PEX7: variants seen among roughly 807,000 people sequenced by gnomAD.
PEX7 encodes PTS2 receptor.
PEX7 carries 34 observed loss-of-function variants against 47.5 expected under a neutral mutation model. The observed-to-expected ratio is 0.72, with a 90% CI of 0.54 to 0.95. The LOEUF is 0.95. Among genes scored for constraint, PEX7 ranks in the 40% least tolerant of loss-of-function variants. The pLI is 0.00. For synonymous variants in PEX7, 141 were observed against 148.8 expected (o/e 0.95, Z 0.38); for missense variants, 394 against 400.3 (o/e 0.98, Z 0.13).
intron 3 of PEX7, among the ~76,000 whole-genome samples, chr6:136,827,504 TTGTGTGTGTGTGTGTGTGTGTG>T (rs5880309): frequency 3.5e-5 from 5 of 140,930 alleles, no homozygotes; most frequent in African/African-American, 5.4e-5. Context: ...CTGTGTGAAT[TTGTGTGTGTGTGTGTGTGTGTG>T]TGTGTGTGTG....
chr6:136,842,358 T>G (rs569958069), intron 3 of PEX7, among the ~76,000 whole-genome samples: 2 of 152,344 alleles, frequency 1.3e-5, no homozygotes, highest in South Asian at 4.1e-4. Context: ...TTTAGCTCTG[T>G]CATAGAGACC....
chr6:136,824,546 A>G (rs1378420995), intron 1 of PEX7, among the ~76,000 whole-genome samples: 1 of 152,154 alleles, frequency 6.6e-6, no homozygotes, highest in Admixed American at 6.5e-5. Context: ...TTTAAAGGGA[A>G]TTGGTATTTA....
Position 136,845,489 on chromosome 6 carries a change from G to A in PEX7, c.340-126G>A, listed in dbSNP as rs1011861471. On this transcript the variant is annotated intron_variant, in intron 3 of 9. Transcript: ENST00000318471. ...CTCAGACACCTTGTTGAGATGGATA[G>A]GAATTATTTGATGTTTTGACATAGT... The A allele has an allele frequency of 2.6e-5, 19 of 718,904 alleles. 1 individual carries two copies. The highest frequency in any genetic ancestry group is 5.3e-5 in the East Asian group (2 of 37,424). The allele number at this position is 718,904 out of a possible 1,614,324, so 44.5% of individuals were successfully genotyped here. A position where few individuals can be genotyped will look rare whatever the true frequency, so the allele number is the denominator to read the frequency against.
At position 136,822,873 on chromosome 6, in the gene PEX7, C is replaced by G. The variant is rs371233406; in HGVS notation, c.130+78C>G. On this transcript the variant is annotated intron_variant, in intron 1 of 9. Coordinates refer to ENST00000318471, the MANE Select transcript of PEX7 (RefSeq NM_000288.4). ...CAGCCGGGCTCCAGTTCCTCGCGCTCGAGGGAAAGCCCCTCTGAGCGTAGA... is the reference window on the plus strand; with the variant it reads ...CAGCCGGGCTCCAGTTCCTCGCGCTGGAGGGAAAGCCCCTCTGAGCGTAGA... The G allele has an allele frequency of 3.3e-6, 4 of 1,223,548 alleles. No individual in the cohort carries two copies. In the South Asian group the frequency reaches 1.0e-4, roughly 32 times the overall value. The allele number at this position is 1,223,548 out of a possible 1,614,324, so 75.8% of individuals were successfully genotyped here.
chr6:136,843,926 G>A (rs977266794), intron 3 of PEX7, among the ~76,000 whole-genome samples: 1 of 152,020 alleles, frequency 6.6e-6, no homozygotes, highest in Non-Finnish European at 1.5e-5. Context: ...CAAAAAACTT[G>A]ATAATCAAGA....
chr6:136,845,859 T>A (rs1774589022), intron 4 of PEX7, among the ~76,000 whole-genome samples, 167 bp downstream of exon 4: 1 of 152,208 alleles, frequency 6.6e-6, no homozygotes, highest in Non-Finnish European at 1.5e-5. Flanking sequence ...TTTTCTAATC[T>A]TTTGGCTGTG....
At chr6:136,912,407 A>G (rs543486197) in intron 9 of PEX7, among the ~76,000 whole-genome samples, 1 of 152,134 alleles carries the variant, frequency 6.6e-6, no homozygotes, top group South Asian at 2.1e-4. Context: ...TTTATGTGCA[A>G]AGTTGGGGTC....
At chr6:136,849,790 G>C (rs142491151) in intron 5 of PEX7, among the ~76,000 whole-genome samples, 6 of 152,282 alleles carry the variant, frequency 3.9e-5, no homozygotes, top group African/African-American at 1.4e-4. Context: ...GTCAGTTTTG[G>C]AATAAGTGTG....
intron 1 of PEX7, among the ~76,000 whole-genome samples, chr6:136,824,924 C>T (rs1390448301): frequency 6.6e-6 from 1 of 152,152 alleles, no homozygotes; most frequent in Non-Finnish European, 1.5e-5. Context: ...AGTATTTCAC[C>T]CCCCTGTTAG....
At chr6:136,841,870 G>A (rs1774507139) in intron 3 of PEX7, among the ~76,000 whole-genome samples, 1 of 151,136 alleles carries the variant, frequency 6.6e-6, no homozygotes, top group Non-Finnish European at 1.5e-5. Flanking sequence ...ACAGGCATGA[G>A]CCACCGTGCC....
At position 136,883,343 on chromosome 6, in the gene PEX7, C is replaced by T. The variant is rs924808121; in HGVS notation, c.803+11090C>T. On this transcript the variant is annotated intron_variant, in intron 8 of 9. Coordinates refer to ENST00000318471, the MANE Select transcript of PEX7 (RefSeq NM_000288.4). ...AATGGCACAACTAGCTTCAGTCCCT[C>T]CTTCTTTACTGAAATTGCTCTGGCA... is the stretch of plus-strand genomic sequence containing the variant. Among the ~76,000 whole-genome samples the T allele has an allele frequency of 3.3e-5, 5 of 152,234 alleles. No homozygotes were observed. The South Asian group carries it at 1.0e-3, about 31-fold the overall frequency.
chr6:136,909,667 T>C (rs556781615), intron 9 of PEX7, among the ~76,000 whole-genome samples: 3 of 152,334 alleles, frequency 2.0e-5, no homozygotes, highest in South Asian at 4.1e-4. Context: ...AATTAACAAA[T>C]AGAGGAATAC....
rs1562756878 is a variant in PEX7 at position 136,898,245 on chromosome 6, A to G, written c.903+4A>G. The G allele has an allele frequency of 2.6e-6, 4 of 1,524,080 alleles. No homozygotes were observed. The highest frequency in any genetic ancestry group is 1.8e-6 in the Non-Finnish European group (2 of 1,098,092). 94.4% of individuals were successfully genotyped at this position (1,524,080 alleles called of 1,614,324 possible). Reference sequence around the variant, plus strand: ...CAGTCTTCAGAGCCCCACTCAGGTAACGGATACAATCTCATGATATTCTCT... The same window carrying G: ...CAGTCTTCAGAGCCCCACTCAGGTAGCGGATACAATCTCATGATATTCTCT... On this transcript the variant is annotated splice_donor_region_variant and intron_variant, in intron 9 of 9. Transcript: ENST00000318471.
chr6:136,838,740 C>T (rs1374552933), intron 3 of PEX7, among the ~76,000 whole-genome samples: 1 of 152,112 alleles, frequency 6.6e-6, no homozygotes, highest in African/African-American at 2.4e-5. Flanking sequence ...AGCAGTCAGT[C>T]ATTCAGTCAG....
chr6:136,826,425 A>G lies in PEX7; in HGVS notation c.295A>G (p.Lys99Glu). The change falls in exon 3 of 10, where the codon AAA (lysine) becomes GAA (glutamate). Residue 99 changes from lysine (K) to glutamate (E), a missense_variant. Transcript: ENST00000318471. ...DGSLQLWDTA[K>E]AAGPLQVYKE... is the part of the protein sequence containing the mutation. ...CTCGCTGCAGCTCTGGGACACTGCC[A>G]AAGCTGCAGGGCCACTGCAAGTCTA... The G allele has an allele frequency of 6.2e-7, 1 of 1,613,992 alleles. No individual in the cohort carries two copies. The highest frequency in any genetic ancestry group is 8.5e-7 in the Non-Finnish European group (1 of 1,180,024).
intron 3 of PEX7, chr6:136,829,903 C>T: frequency 1.5e-6 from 1 of 665,230 alleles, no homozygotes. Flanking sequence ...TGCCATTGCA[C>T]TCCAGCCTGG....
chr6:136,871,684 C>A (rs1538346), intron 7 of PEX7, among the ~76,000 whole-genome samples: 2 of 151,938 alleles, frequency 1.3e-5, no homozygotes, highest in East Asian at 3.9e-4. Context: ...TCAGCTTCCC[C>A]AGAAGCTGAG....
chr6:136,828,748 T>C (rs1774241768), intron 3 of PEX7, among the ~76,000 whole-genome samples: 1 of 152,226 alleles, frequency 6.6e-6, no homozygotes, highest in Admixed American at 6.5e-5. Flanking sequence ...TTTACCACCA[T>C]AGTCTTGAGC....
rs531284410 is a variant in PEX7 at position 136,891,373 on chromosome 6, A to G, written c.804-6769A>G. 1.2e-4 allele frequency among the ~76,000 whole-genome samples: 18 copies of G among 152,302 alleles called. No homozygotes were observed. The South Asian group carries it at 3.7e-3, about 32-fold the overall frequency. The stretch of plus-strand genomic sequence containing the variant: ...AGAATTTTATCATATGTAACCTTCA[A>G]AGTTTGTAATTGTGGAGTTTCTGGG... On this transcript the variant is annotated intron_variant, in intron 8 of 9. Transcript: ENST00000318471.
Sources: gnomAD v4.1 joint callset for allele counts (sites outside exome capture counted in the v4.1 genomes callset) on GRCh38, gnomAD v4.1.1 for gene constraint, MANE v1.5 for transcripts, NCBI Gene and HGNC (gene_info 2026-07-23, HGNC 2026-07-21) for gene names.